Variants in ZPBP observed in about 807,000 individuals in gnomAD.
ZPBP encodes the protein zona pellucida-binding protein 1.
ZPBP carries 26 observed loss-of-function variants against 44.8 expected under a neutral mutation model. The ratio of observed to expected loss-of-function variants is 0.58; its 90% CI spans 0.43 to 0.81. The LOEUF (loss-of-function observed/expected upper bound fraction) is 0.81. Ranked by LOEUF, ZPBP falls within the 30% of genes least tolerant of loss-of-function variation. The pLI is 0.00. For synonymous variants in ZPBP, 174 were observed against 153.2 expected, an observed-to-expected ratio of 1.14 and a Z score of -1.00; for missense variants, 409 against 434.0, an observed-to-expected ratio of 0.94 and a Z score of 0.51.
chr7:49,902,296 T>C (rs1413173570), intron 1 of ZPBP, among the ~76,000 whole-genome samples: 5 of 152,002 alleles, frequency 3.3e-5, no homozygotes, highest in Non-Finnish European at 7.4e-5. Flanking sequence ...AAAAAAACTG[T>C]TGTCCTAAAT....
At chr7:49,903,065 C>T (rs1792862707) in intron 1 of ZPBP, among the ~76,000 whole-genome samples, 1 of 152,124 alleles carries the variant, frequency 6.6e-6, no homozygotes, top group Admixed American at 6.5e-5. Flanking sequence ...CTTGAGATAT[C>T]ACTATACATC....
intron 6 of ZPBP, among the ~76,000 whole-genome samples, chr7:50,006,295 T>G (rs765046963): frequency 6.6e-6 from 1 of 151,932 alleles, no homozygotes; most frequent in Non-Finnish European, 1.5e-5. Flanking sequence ...CACAGAACAC[T>G]CCACCCAATA....
At chr7:50,089,570 A>G (rs1269868030) in intron 2 of ZPBP, 59 bp downstream of exon 2, 3 of 1,285,336 alleles carry the variant, frequency 2.3e-6, no homozygotes, top group African/African-American at 1.5e-5. Context: ...GAGAAGACTG[A>G]TAAATTTAAA....
downstream of ZPBP, among the ~76,000 whole-genome samples, chr7:49,849,775 T>G (rs561348171): frequency 1.3e-5 from 2 of 152,306 alleles, no homozygotes; most frequent in African/African-American, 2.4e-5. Flanking sequence ...AGAGTCTGAC[T>G]TAATAAAAGT....
intron 5 of ZPBP, among the ~76,000 whole-genome samples, chr7:50,018,867 T>C (rs537866146): frequency 6.6e-6 from 1 of 152,012 alleles, no homozygotes; most frequent in Non-Finnish European, 1.5e-5. Flanking sequence ...GAGCCTACTG[T>C]GTGCCAGGAA....
At chr7:50,018,100 TG>T in intron 6 of ZPBP, 139 bp downstream of exon 6, 2 of 639,628 alleles carry the variant, frequency 3.1e-6, no homozygotes, top group South Asian at 3.9e-5. Context: ...CTTTTATTAG[TG>T]GGTAAAGTTT....
chr7:50,074,579 A>C (rs1801994180), intron 3 of ZPBP, among the ~76,000 whole-genome samples: 2 of 151,990 alleles, frequency 1.3e-5, no homozygotes, highest in Non-Finnish European at 2.9e-5. Context: ...ATAAAAAGAT[A>C]CTTCATGCCA....
intron 4 of ZPBP, among the ~76,000 whole-genome samples, chr7:50,050,316 G>A (rs902742391): frequency 2.0e-5 from 3 of 151,992 alleles, no homozygotes; most frequent in Admixed American, 2.0e-4. Context: ...AAACTATCTT[G>A]AAAAGAACTT....
Position 49,909,921 on chromosome 7 carries a change from T to C in ZPBP, n.412-8706A>G, listed in dbSNP as rs151236152. ...GAGTTTGAGACCAGCCTGGGCAACA[T>C]AGAAAGACCTCATATCTCCAAAGAT... On this transcript the variant is annotated intron_variant and non_coding_transcript_variant, in intron 1 of 2. Transcript: ENST00000465922. Among the ~76,000 whole-genome samples the C allele has an allele frequency of 3.3e-3, 501 of 151,766 alleles. 5 individuals are homozygous for C. Among genetic ancestry groups the C allele is most frequent in the African/African-American group, 0.011 (439 of 41,384 alleles).
rs114602605 is a variant in ZPBP, at chr7:49,897,540, T to G, written n.509+3578A>C. ...GTCTGGCATGTAGAAGCTTGGAAGT[T>G]GCAACTCTATCCTAAAAACAGGTAA... On this transcript the variant is annotated intron_variant and non_coding_transcript_variant, in intron 2 of 2. Transcript: ENST00000465922. Among the ~76,000 whole-genome samples, 1,153 of 152,296 alleles carry G rather than the reference T, an allele frequency of 7.6e-3. 23 individuals carry two copies. The highest frequency in any genetic ancestry group is 0.026 in the African/African-American group (1,093 of 41,558).
At chr7:49,998,978 T>G (rs764548157) in intron 6 of ZPBP, among the ~76,000 whole-genome samples, 1 of 152,070 alleles carries the variant, frequency 6.6e-6, no homozygotes, top group Non-Finnish European at 1.5e-5. Context: ...AAATCCAAAA[T>G]TTTTTGAGTC....
intron 5 of ZPBP, among the ~76,000 whole-genome samples, chr7:50,025,731 T>G (rs1799296995): frequency 6.6e-6 from 1 of 151,790 alleles, no homozygotes; most frequent in Non-Finnish European, 1.5e-5. Context: ...ACATACAAAT[T>G]TGCATGTAAA....
At chr7:49,979,963 A>C (rs1229361066) in intron 7 of ZPBP, among the ~76,000 whole-genome samples, 1 of 109,472 alleles carries the variant, frequency 9.1e-6, no homozygotes. Flanking sequence ...TAATATATTT[A>C]TATTATATAT....
At chr7:50,021,573 G>A (rs1416741275) in intron 5 of ZPBP, among the ~76,000 whole-genome samples, 1 of 152,064 alleles carries the variant, frequency 6.6e-6, no homozygotes, top group East Asian at 1.9e-4. Flanking sequence ...AGACACAGAA[G>A]GAGAGAAAAA....
chr7:49,960,064 C>T (rs915940396), intron 7 of ZPBP, among the ~76,000 whole-genome samples: 1 of 152,012 alleles, frequency 6.6e-6, no homozygotes, highest in African/African-American at 2.4e-5. Context: ...TTTTCTCACA[C>T]CAAACAGAAA....
chr7:49,948,552 A>C (rs1283441524), intron 7 of ZPBP, among the ~76,000 whole-genome samples: 1 of 152,160 alleles, frequency 6.6e-6, no homozygotes, highest in East Asian at 1.9e-4. Context: ...AAAAATGGGA[A>C]GAAGACTTGC....
intron 3 of ZPBP, among the ~76,000 whole-genome samples, chr7:50,061,599 TTGATTTTAA>T (rs1801237522): frequency 2.0e-5 from 3 of 152,054 alleles, no homozygotes; most frequent in Non-Finnish European, 2.9e-5. Context: ...TAATAAAGGG[TTGATTTTAA>T]TGATTTTAAT....
chr7:50,082,387 C>T (rs1380769293), intron 2 of ZPBP, among the ~76,000 whole-genome samples: 2 of 151,778 alleles, frequency 1.3e-5, no homozygotes, highest in Non-Finnish European at 3.0e-5. Flanking sequence ...CAAATTTATG[C>T]TTTTATTGAT....
chr7:49,985,107 T>C (rs1008148707), intron 6 of ZPBP, among the ~76,000 whole-genome samples: 7 of 152,314 alleles, frequency 4.6e-5, no homozygotes, highest in African/African-American at 1.7e-4. Context: ...TGGTACCCTG[T>C]CCAGCGTTGG....
Sources: allele counts gnomAD v4.1 joint callset (sites outside exome capture counted in the v4.1 genomes callset), GRCh38; gene constraint gnomAD v4.1.1; transcripts MANE v1.5; gene names NCBI Gene and HGNC (gene_info 2026-07-23, HGNC 2026-07-21).